PARD3: variants seen among roughly 807,000 people sequenced by gnomAD.
PARD3 encodes par-3 family cell polarity regulator, also known as partitioning defective 3 homolog.
PARD3 carries 75 observed loss-of-function variants against 155.4 expected under a neutral mutation model. The observed-to-expected ratio is 0.48, with a 90% confidence interval of 0.40 to 0.58. PARD3 has a LOEUF of 0.58. Ranked by LOEUF, PARD3 falls within the 20% of genes least tolerant of loss-of-function variation. The pLI, the probability that PARD3 is intolerant of heterozygous loss-of-function variation, is 0.00. For synonymous variants in PARD3, 576 were observed against 610.5 expected (o/e 0.94, Z 0.83); for missense variants, 1,642 against 1,721.7 (o/e 0.95, Z 0.82).
chr10:34,237,096 G>T (rs1002985946), intron 22 of PARD3, among the ~76,000 whole-genome samples: 3 of 152,172 alleles, frequency 2.0e-5, no homozygotes, highest in Non-Finnish European at 2.9e-5. Context: ...ACATTGCTGG[G>T]TTGTGAGAAT....
rs567591100 is a variant in PARD3, at chr10:34,142,676, C to T, written c.3420-11093G>A. On this transcript the variant is annotated intron_variant, in intron 22 of 24. Coordinates refer to ENST00000374788, the MANE Select transcript of PARD3 (RefSeq NM_001184785.2). The stretch of plus-strand genomic sequence containing the variant: ...GAAGGAAGGCAGGAAGGCAGGAAGG[C>T]AGGCAGGCATCATTTTTCTTGGCAC... 2.7e-5 allele frequency among the ~76,000 whole-genome samples: 4 copies of T among 146,954 alleles called. No individual in the cohort carries two copies. The East Asian group carries it at 7.7e-4, about 28-fold the overall frequency.
intron 12 of PARD3, among the ~76,000 whole-genome samples, chr10:34,370,734 T>C (rs781627200): frequency 3.3e-5 from 5 of 152,064 alleles, no homozygotes; most frequent in Admixed American, 2.0e-4. Flanking sequence ...GCTCTTCCCC[T>C]AAGGATCACA....
Position 34,400,401 on chromosome 10 carries a change from GA to G in PARD3, c.807-989del, listed in dbSNP as rs575090401. Among the ~76,000 whole-genome samples, 47 of 152,262 alleles carry G rather than the reference GA, an allele frequency of 3.1e-4. No individual in the cohort carries two copies. In the East Asian group the frequency reaches 8.9e-3, roughly 29 times the overall value. On this transcript the variant is annotated intron_variant, in intron 6 of 24. Coordinates refer to ENST00000374788, the MANE Select transcript of PARD3 (RefSeq NM_001184785.2). ...TAATAAAATAAAGCCTGAGTTTAAT[GA>G]AAATTTGTATAGACAATGTAATTTT...
chr10:34,185,050 C>T (rs968620002), intron 22 of PARD3, among the ~76,000 whole-genome samples: 1 of 152,180 alleles, frequency 6.6e-6, no homozygotes, highest in East Asian at 1.9e-4. Context: ...TAAACAAATG[C>T]TGTGTTTCAC....
intron 2 of PARD3, among the ~76,000 whole-genome samples, chr10:34,621,477 C>G (rs1387107740): frequency 6.6e-6 from 1 of 152,020 alleles, no homozygotes; most frequent in Non-Finnish European, 1.5e-5. Context: ...GTTGTACAGG[C>G]AAGCCACCGC....
chr10:34,252,278 T>C (rs1954360764), intron 22 of PARD3, among the ~76,000 whole-genome samples: 1 of 152,140 alleles, frequency 6.6e-6, no homozygotes, highest in Non-Finnish European at 1.5e-5. Context: ...AGGTGTGTGC[T>C]CCTGAGAGTG....
At chr10:34,130,022 G>C (rs1414472832) in intron 23 of PARD3, among the ~76,000 whole-genome samples, 1 of 151,796 alleles carries the variant, frequency 6.6e-6, no homozygotes, top group Non-Finnish European at 1.5e-5. Flanking sequence ...CAAATATCTA[G>C]TAAATGATAT....
chr10:34,154,612 A>T (rs1456558698), intron 22 of PARD3, among the ~76,000 whole-genome samples: 3 of 152,234 alleles, frequency 2.0e-5, no homozygotes, highest in African/African-American at 7.2e-5. Flanking sequence ...TGCCCTGTAG[A>T]AGACTAAAGC....
At chr10:34,307,695 C>A (rs889959915) in intron 20 of PARD3, among the ~76,000 whole-genome samples, 1 of 152,140 alleles carries the variant, frequency 6.6e-6, no homozygotes, top group Admixed American at 6.5e-5. Context: ...CCTTCCAAGA[C>A]TTCAGAGAGG....
At chr10:34,171,786 C>A (rs1012629334) in intron 22 of PARD3, among the ~76,000 whole-genome samples, 1 of 151,510 alleles carries the variant, frequency 6.6e-6, no homozygotes, top group Non-Finnish European at 1.5e-5. Flanking sequence ...CCCGTTTCTA[C>A]TAAAAATATA....
At chr10:34,612,657 T>C (rs902087709) in intron 2 of PARD3, among the ~76,000 whole-genome samples, 1 of 152,204 alleles carries the variant, frequency 6.6e-6, no homozygotes, top group African/African-American at 2.4e-5. Flanking sequence ...ATTCTTACCC[T>C]AGAGGGCTAT....
chr10:34,539,375 T>C (rs2083444028), intron 2 of PARD3, among the ~76,000 whole-genome samples: 1 of 152,132 alleles, frequency 6.6e-6, no homozygotes, highest in African/African-American at 2.4e-5. Context: ...GAGTAATAAA[T>C]AAGTAAAACT....
chr10:34,329,791 A>C (rs1334333657), intron 19 of PARD3, among the ~76,000 whole-genome samples: 6 of 152,214 alleles, frequency 3.9e-5, no homozygotes, highest in Non-Finnish European at 5.9e-5. Flanking sequence ...GGAGGTGGAG[A>C]GAAGTGTAGC....
intron 2 of PARD3, among the ~76,000 whole-genome samples, chr10:34,536,309 A>C (rs7901752): frequency 0.029 from 4,451 of 152,332 alleles, 223 homozygotes; most frequent in African/African-American, 0.1. Flanking sequence ...ATCTACAGTG[A>C]CTACAGTGAC....
At chr10:34,652,039 C>T (rs1449974786) in intron 2 of PARD3, among the ~76,000 whole-genome samples, 1 of 152,184 alleles carries the variant, frequency 6.6e-6, no homozygotes, top group Non-Finnish European at 1.5e-5. Context: ...TTTTTTCCTC[C>T]GGGTTCTCAC....
rs1949074394 is a variant in PARD3 at position 34,157,684 on chromosome 10, A to G, written c.3420-26101T>C. On this transcript the variant is annotated intron_variant, in intron 22 of 24. Transcript: ENST00000374788. ...ACCAAACTTGTGACTCATATTTAAA[A>G]TCTGAAACCATCATCTGCTTCCTAT... Among the ~76,000 whole-genome samples the G allele has an allele frequency of 2.0e-5, 3 of 152,176 alleles. No homozygotes were observed. In the South Asian group the frequency reaches 6.2e-4, roughly 31 times the overall value.
At chr10:34,636,165 G>T (rs771500383) in intron 2 of PARD3, among the ~76,000 whole-genome samples, 2 of 152,112 alleles carry the variant, frequency 1.3e-5, no homozygotes, top group Non-Finnish European at 2.9e-5. Context: ...TTGCCTGAAG[G>T]ATAGATTTAC....
chr10:34,135,288 T>G (rs1281178537), intron 22 of PARD3, among the ~76,000 whole-genome samples: 3 of 152,218 alleles, frequency 2.0e-5, no homozygotes, highest in African/African-American at 7.2e-5. Flanking sequence ...CACATTGGCT[T>G]TGTACCCAAC....
intron 14 of PARD3, among the ~76,000 whole-genome samples, chr10:34,352,581 G>A (rs369031000): frequency 1.4e-4 from 22 of 152,360 alleles, no homozygotes; most frequent in East Asian, 1.4e-3. Context: ...TCCTGACCGC[G>A]AGTGATCTGC....
Sources: allele counts gnomAD v4.1 joint callset (sites outside exome capture counted in the v4.1 genomes callset), GRCh38; gene constraint gnomAD v4.1.1; transcripts MANE v1.5; gene names NCBI Gene and HGNC (gene_info 2026-07-23, HGNC 2026-07-21).